Variants in GUCY2D observed in about 807,000 individuals in gnomAD.
GUCY2D encodes the protein guanylate cyclase 2D, retinal, also known as retinal guanylyl cyclase 1.
In GUCY2D, 70 loss-of-function variants were observed where a neutral mutation model predicts 101.3. The observed-to-expected ratio is 0.69, with a 90% CI of 0.57 to 0.84. GUCY2D has a LOEUF of 0.84. Among genes scored for constraint, GUCY2D ranks in the 40% least tolerant of loss-of-function variants. The pLI, the probability that GUCY2D is intolerant of heterozygous loss-of-function variation, is 0.00. For missense variants in GUCY2D, 1,460 were observed against 1,542.5 expected (o/e 0.95, Z 0.90); for synonymous variants, 688 against 670.7 (o/e 1.03, Z -0.40).
intron 17 of GUCY2D, 37 bp from the exon 18 acceptor site, chr17:8,016,168 G>A (rs778177112): frequency 7.0e-7 from 1 of 1,437,866 alleles, no homozygotes; most frequent in Admixed American, 1.9e-5. Flanking sequence ...CCTCACCCCA[G>A]TCCGCCTAAG....
rs377299382 is a variant in GUCY2D, at chr17:8,010,800, T to G, written c.1749+1214T>G. Among the ~76,000 whole-genome samples the G allele has an allele frequency of 2.9e-3, 405 of 137,782 alleles. 2 individuals carry two copies. Among genetic ancestry groups the G allele is most frequent in the African/African-American group, 0.011 (391 of 35,144 alleles). The allele number at this position is 137,782 out of a possible 152,430, so 90.4% of individuals were successfully genotyped here. The stretch of plus-strand genomic sequence containing the variant: ...CTTCAGCCTGGGCGACAGAGCAAGA[T>G]TCCGTCTCAAAAAAAAAAAAAAAAA... On this transcript the variant is annotated intron_variant, in intron 8 of 19. Coordinates refer to ENST00000254854, the MANE Select transcript of GUCY2D (RefSeq NM_000180.4).
Position 8,006,712 on chromosome 17 carries a change from G to T in GUCY2D, c.1376G>T (p.Gly459Val), listed in dbSNP as rs1156640453. Residue 459 changes from glycine (G) to valine (V), a missense_variant and splice_region_variant, in exon 4 of 20, where the codon GGA becomes GTA. Around this residue, in one of 3 missense-constraint regions of GUCY2D, gnomAD observed 1,196 missense variants for 1,229.6 expected, o/e 0.97. Coordinates refer to ENST00000254854, the MANE Select transcript of GUCY2D (RefSeq NM_000180.4). Reference sequence around the variant, plus strand: ...TTCGATCCAAACAACATCTGCGGTGGAGGTGAGGGCGAGCACCCCAGTCCC... The same window carrying T: ...TTCGATCCAAACAACATCTGCGGTGTAGGTGAGGGCGAGCACCCCAGTCCC... ...CWFDPNNICGGGLEPGLVFLG... is the reference protein window; with the variant it reads ...CWFDPNNICGVGLEPGLVFLG... 6.2e-7 allele frequency: 1 copy of T among 1,602,180 alleles called. No homozygotes were observed. Among genetic ancestry groups the T allele is most frequent in the Non-Finnish European group, 8.5e-7 (1 of 1,173,864 alleles).
In GUCY2D at chr17:8,004,146, A is replaced by G. The variant is rs1397466363; in HGVS notation, c.1016A>G (p.Asn339Ser). 1.3e-6 allele frequency: 2 copies of G among 1,592,084 alleles called. No homozygotes were observed. Among genetic ancestry groups the G allele is most frequent in the Non-Finnish European group, 8.5e-7 (1 of 1,174,056 alleles). ...QERRELPSDL[N>S]LQQVSPLFGT... ...CGCCGCGAGCTGCCCTCTGACCTCA[A>G]TCTGCAGCAGGTAGACGGTCCCGGG... Residue 339 changes from asparagine (N) to serine (S), a missense_variant, in exon 3 of 20, where the codon AAT (asparagine) becomes AGT (serine). Transcript: ENST00000254854.
Position 8,012,353 on chromosome 17 carries a change from G to C in GUCY2D, c.1956+3G>C. 4 of 1,611,932 alleles carry C rather than the reference G, an allele frequency of 2.5e-6. No individual in the cohort carries two copies. The highest frequency in any genetic ancestry group is 3.4e-6 in the Non-Finnish European group (4 of 1,178,598). ...CCCTCCTGCTGGACCTTATCAAGGT[G>C]TGTGTCTGGGGGTGGTGGGGTGACG... On this transcript the variant is annotated splice_donor_region_variant and intron_variant, in intron 9 of 19. Transcript: ENST00000254854.
At position 8,016,476 on chromosome 17, in the gene GUCY2D, C is replaced by G. The variant is rs368916122; in HGVS notation, c.3258C>G (p.Ile1086Met). The G allele has an allele frequency of 1.2e-5, 19 of 1,579,226 alleles. No homozygotes were observed. In the African/African-American group the frequency reaches 2.0e-4, roughly 17 times the overall value. Residue 1086 changes from isoleucine (I) to methionine (M), a missense_variant, in exon 19 of 20, where the codon ATC becomes ATG. Ile to Met is a conservative substitution (Grantham distance 10). Transcript: ENST00000254854. ...ACCACGGCATCAGCCTGCAGGAGAT[C>G]CCACCCGAGCGGCGACGGAAGCTGG... ...SSNHGISLQE[I>M]PPERRRKLEK...
rs1975698753 is a variant in GUCY2D at position 8,004,239 on chromosome 17, G to T, written c.1026+83G>T. 2.4e-6 allele frequency: 3 copies of T among 1,262,928 alleles called. No homozygotes were observed. In the Admixed American group the frequency reaches 7.3e-5, roughly 31 times the overall value. 78.2% of individuals were successfully genotyped at this position (1,262,928 alleles called of 1,614,324 possible). A position where few individuals can be genotyped will look rare whatever the true frequency, so the allele number is the denominator to read the frequency against. On this transcript the variant is annotated intron_variant, in intron 3 of 19. Transcript: ENST00000254854. ...CAGGGAGAGGAGGATGCAGCCAATG[G>T]AGAAAGAACCACTGGCAGCTCTAGC...
intron 7 of GUCY2D, 92 bp from the exon 8 acceptor site, chr17:8,009,414 G>A: frequency 1.2e-6 from 1 of 840,448 alleles, no homozygotes; most frequent in South Asian, 1.3e-5. Flanking sequence ...CTGGGACAGT[G>A]AGCCAATGGA....
Position 8,006,435 on chromosome 17 carries a change from G to C in GUCY2D, c.1099G>C (p.Ala367Pro). ...LARGVAEARA[A>P]AGGRWVSGAA... ...AAGGGGCGTGGCAGAAGCGCGGGCT[G>C]CCGCAGGTGGCAGATGGGTGTCCGG... Residue 367 changes from alanine to proline, a missense_variant, in exon 4 of 20, where the codon GCC becomes CCC. Physicochemically the swap from Ala to Pro is conservative, Grantham distance 27 (BLOSUM62 -1). Transcript: ENST00000254854. 1 of 1,604,056 alleles carries C rather than the reference G, an allele frequency of 6.2e-7. No individual in the cohort carries two copies. The highest frequency in any genetic ancestry group is 8.5e-7 in the Non-Finnish European group (1 of 1,179,976).
Position 8,020,113 on chromosome 17 carries a change from T to TG in GUCY2D, c.*25-14dup, listed in dbSNP as rs1491166694. ...CCTTTTTTTTTTTTTTTTTTTTTTT[T>TG]GTGCTTCTCCTTAGGGTCTGGGCCC... is the stretch of plus-strand genomic sequence containing the variant. On this transcript the variant is annotated splice_polypyrimidine_tract_variant and intron_variant, in intron 19 of 19. Transcript: ENST00000254854. The TG allele has an allele frequency of 2.9e-5, 4 of 137,976 alleles. No individual in the cohort carries two copies. In the East Asian group the frequency reaches 8.3e-4, roughly 29 times the overall value. The allele number at this position is 137,976 out of a possible 1,614,324, so 8.5% of individuals were successfully genotyped here. A position where few individuals can be genotyped will look rare whatever the true frequency, so the allele number is the denominator to read the frequency against.
chr17:8,007,217 C>A, intron 5 of GUCY2D, 73 bp downstream of exon 5: 1 of 1,199,542 alleles, frequency 8.3e-7, no homozygotes, highest in South Asian at 1.2e-5. Context: ...AAACAGCAGG[C>A]TGGGTTCACT....
chr17:8,014,548 G>A lies in GUCY2D; in HGVS notation c.2413-53G>A. The A allele has an allele frequency of 1.9e-6, 3 of 1,576,034 alleles. No individual in the cohort carries two copies. Among genetic ancestry groups the A allele is most frequent in the Non-Finnish European group, 2.6e-6 (3 of 1,146,364 alleles). ...AGGGCCCATGAGGGGGGCATAAAGA[G>A]GGCATGGCAACCCAGGTCTTCAGCA... is the stretch of plus-strand genomic sequence containing the variant. On this transcript the variant is annotated intron_variant, in intron 12 of 19. Coordinates refer to ENST00000254854, the MANE Select transcript of GUCY2D (RefSeq NM_000180.4). The surrounding 1 kb of genome is among the most constrained non-coding windows in gnomAD (Gnocchi z 4.0).
At chr17:8,005,282 T>G (rs1336724448) in intron 3 of GUCY2D, among the ~76,000 whole-genome samples, 1 of 152,200 alleles carries the variant, frequency 6.6e-6, no homozygotes, top group African/African-American at 2.4e-5. Flanking sequence ...TCAGATGGTC[T>G]CTGCTTCAAC....
Position 8,003,153 on chromosome 17 carries a change from C to G in GUCY2D, c.106C>G (p.Leu36Val). 6.6e-7 allele frequency: 1 copy of G among 1,509,586 alleles called. No individual in the cohort carries two copies. Among genetic ancestry groups the G allele is most frequent in the Non-Finnish European group, 8.8e-7 (1 of 1,134,684 alleles). The allele number at this position is 1,509,586 out of a possible 1,614,324, so 93.5% of individuals were successfully genotyped here. Residue 36 changes from leucine to valine, a missense_variant, in exon 2 of 20, where the codon CTC (leucine) becomes GTC (valine). Leu to Val is a conservative substitution (Grantham distance 32, BLOSUM62 1). This residue lies in a region of GUCY2D where 1,196 missense variants were observed against 1,229.6 expected (regional missense o/e 0.97). Transcript: ENST00000254854. ...LPRLPRALPR[L>V]PLLLLLLLLQ... ...CCGCCTCCCCCGGGCCCTGCCCCGG[C>G]TCCCGCTCCTGCTGCTCCTGCTTCT...
At chr17:8,010,143 T>C (rs9891137) in intron 8 of GUCY2D, among the ~76,000 whole-genome samples, 1 of 152,112 alleles carries the variant, frequency 6.6e-6, no homozygotes, top group Non-Finnish European at 1.5e-5. Flanking sequence ...GTAAGCTGAG[T>C]GAGGGCCTCC....
chr17:8,003,900 G>A lies in GUCY2D; in HGVS notation c.770G>A (p.Arg257His). 1 of 1,613,416 alleles carries A rather than the reference G, an allele frequency of 6.2e-7. No individual in the cohort carries two copies. Among genetic ancestry groups the A allele is most frequent in the Non-Finnish European group, 8.5e-7 (1 of 1,179,850 alleles). The change falls in exon 3 of 20, where the codon CGC becomes CAC. Residue 257 changes from arginine to histidine, a missense_variant. Transcript: ENST00000254854. ...GTGCTGCTGGGTGGCGAGGAGCAGCGCTACCTCCTGGAGGCCGCAGAGGAG... is the reference window on the plus strand; with the variant it reads ...GTGCTGCTGGGTGGCGAGGAGCAGCACTACCTCCTGGAGGCCGCAGAGGAG... ...HSVLLGGEEQ[R>H]YLLEAAEELG...
chr17:8,002,876 G>A lies in GUCY2D; in HGVS notation c.-10+142G>A, dbSNP rs1975651343. The A allele has an allele frequency of 1.8e-6, 1 of 567,846 alleles. No individual in the cohort carries two copies. Among genetic ancestry groups the A allele is most frequent in the Admixed American group, 3.8e-5 (1 of 26,498 alleles). The allele number at this position is 567,846 out of a possible 1,614,324, so 35.2% of individuals were successfully genotyped here. ...CGGGGCGGCAGAAGGGGGCTTCGGG[G>A]CGGTGTCCTTGGCCCCAGTTAGTCT... is the stretch of plus-strand genomic sequence containing the variant. On this transcript the variant is annotated intron_variant, in intron 1 of 19. Coordinates refer to ENST00000254854, the MANE Select transcript of GUCY2D (RefSeq NM_000180.4). This position sits in a 1 kb window ranked among gnomAD's most constrained non-coding sequence, Gnocchi z 4.9.
chr17:8,009,740 A>C (rs1158750533), intron 8 of GUCY2D, among the ~76,000 whole-genome samples, 154 bp downstream of exon 8: 1 of 152,100 alleles, frequency 6.6e-6, no homozygotes, highest in Non-Finnish European at 1.5e-5. Context: ...TTTGAGAGGC[A>C]GATGTGAGGG....
In GUCY2D at chr17:8,011,375, T is replaced by C. The variant is rs1228541177; in HGVS notation, c.1750-769T>C. Among the ~76,000 whole-genome samples the C allele has an allele frequency of 1.1e-5, 1 of 93,806 alleles. No homozygotes were observed. Among genetic ancestry groups the C allele is most frequent in the Non-Finnish European group, 2.0e-5 (1 of 50,392 alleles). The allele number at this position is 93,806 out of a possible 152,430, so 61.5% of individuals were successfully genotyped here. ...GCCTGGGTGACAGAGTAAGAATCTG[T>C]CTAAAAAAAAAATACATAAACAAAA... On this transcript the variant is annotated intron_variant, in intron 8 of 19. Transcript: ENST00000254854. The surrounding 1 kb of genome is among the most constrained non-coding windows in gnomAD (Gnocchi z 4.3).
At chr17:8,007,889 C>T in intron 6 of GUCY2D, 42 bp from the exon 7 acceptor site, 1 of 1,257,856 alleles carries the variant, frequency 8.0e-7, no homozygotes, top group Non-Finnish European at 1.2e-6. Context: ...ACTCTGACAC[C>T]AGAATATATT....
Sources: gnomAD v4.1 joint callset for allele counts (sites outside exome capture counted in the v4.1 genomes callset) on GRCh38, gnomAD v4.1.1 for gene constraint, gnomAD v4.1.1 regional missense constraint, Gnocchi (gnomAD v3.1) non-coding constraint, MANE v1.5 for transcripts, NCBI Gene and HGNC (gene_info 2026-07-23, HGNC 2026-07-21) for gene names.